Variants in TRDMT1 observed in about 807,000 individuals in gnomAD.
TRDMT1 encodes the protein tRNA (cytosine(38)-C(5))-methyltransferase.
Under a neutral mutation model 51.2 loss-of-function variants are expected in TRDMT1, and 49 were observed. The ratio of observed to expected loss-of-function variants is 0.96; its 90% CI spans 0.76 to 1.21. The LOEUF is 1.21. Ranked by LOEUF, TRDMT1 falls within the 50% of genes most tolerant of loss-of-function variation. The probability of loss-of-function intolerance (pLI) is 0.00; values close to 1 mark genes in which losing one functional copy is unlikely to be tolerated. For synonymous variants in TRDMT1, 187 were observed against 164.6 expected, an observed-to-expected ratio of 1.14 and a Z score of -1.04; for missense variants, 534 against 462.3, an observed-to-expected ratio of 1.16 and a Z score of -1.42.
At chr10:17,197,340 G>GT (rs1186618287) in intron 1 of TRDMT1, among the ~76,000 whole-genome samples, 2 of 152,032 alleles carry the variant, frequency 1.3e-5, no homozygotes, top group Non-Finnish European at 2.9e-5. Flanking sequence ...AGCAAAGAAT[G>GT]TTACATTTAA....
intron 1 of TRDMT1, among the ~76,000 whole-genome samples, chr10:17,193,747 C>T (rs986329824): frequency 2.0e-5 from 3 of 151,688 alleles, no homozygotes; most frequent in Admixed American, 6.6e-5. Flanking sequence ...AAGCAATCTA[C>T]AGATTCAGTG....
chr10:17,196,500 C>G lies in TRDMT1; in HGVS notation c.64+5071G>C, dbSNP rs575988639. 7.2e-5 allele frequency among the ~76,000 whole-genome samples: 11 copies of G among 152,370 alleles called. No homozygotes were observed. In the South Asian group the frequency reaches 2.1e-3, roughly 29 times the overall value. The stretch of plus-strand genomic sequence containing the variant: ...CTCCACTGATATATAACCTGTGACA[C>G]TACTTCTTCCACTGCTTTCTGAAAG... On this transcript the variant is annotated intron_variant, in intron 1 of 10. Coordinates refer to ENST00000377799, the MANE Select transcript of TRDMT1 (RefSeq NM_004412.7).
intron 10 of TRDMT1, among the ~76,000 whole-genome samples, 175 bp from the exon 11 acceptor site, chr10:17,149,315 A>G (rs1004893295): frequency 6.6e-6 from 1 of 152,128 alleles, no homozygotes; most frequent in Non-Finnish European, 1.5e-5. Flanking sequence ...ATAACATTAT[A>G]TTGCCTACAC....
Position 17,146,298 on chromosome 10 carries a change from T to A in TRDMT1, c.*2742A>T, listed in dbSNP as rs1588687147. ...GCTGAAGGTTGGAGGTATTTTCTCA[T>A]CTTTCCAGACATAGGGCAGTGCCCA... On this transcript the variant is annotated 3_prime_UTR_variant, in exon 11 of 11. Coordinates refer to ENST00000377799, the MANE Select transcript of TRDMT1 (RefSeq NM_004412.7). 1 of 985,424 alleles carries A rather than the reference T, an allele frequency of 1.0e-6. No homozygotes were observed. Among genetic ancestry groups the A allele is most frequent in the Non-Finnish European group, 1.2e-6 (1 of 829,936 alleles). The allele number at this position is 985,424 out of a possible 1,614,324, so 61.0% of individuals were successfully genotyped here.
In TRDMT1 at chr10:17,154,874, T is replaced by C. The variant is rs376454253; in HGVS notation, c.888-140A>G. The C allele has an allele frequency of 1.3e-4, 92 of 697,778 alleles. 1 individual carries two copies. In the Middle Eastern group the frequency reaches 3.1e-3, roughly 23 times the overall value. The allele number at this position is 697,778 out of a possible 1,614,324, so 43.2% of individuals were successfully genotyped here. A position where few individuals can be genotyped will look rare whatever the true frequency, so the allele number is the denominator to read the frequency against. ...CTTGAATAATGTCACATAAATATCC[T>C]TTGTAGGTAAAAAATTACTAGGTAA... On this transcript the variant is annotated intron_variant, in intron 8 of 10. Coordinates refer to ENST00000377799, the MANE Select transcript of TRDMT1 (RefSeq NM_004412.7).
intron 1 of TRDMT1, among the ~76,000 whole-genome samples, chr10:17,190,782 C>T (rs1327774728): frequency 2.0e-5 from 3 of 152,170 alleles, no homozygotes; most frequent in South Asian, 4.1e-4. Flanking sequence ...TGTTCATTCA[C>T]GCATTCAACA....
chr10:17,144,773 G>C lies in TRDMT1; in HGVS notation c.*4267C>G. 1.0e-6 allele frequency: 1 copy of C among 985,180 alleles called. No individual in the cohort carries two copies. The highest frequency in any genetic ancestry group is 1.2e-6 in the Non-Finnish European group (1 of 829,882). The allele number at this position is 985,180 out of a possible 1,614,324, so 61.0% of individuals were successfully genotyped here. A position where few individuals can be genotyped will look rare whatever the true frequency, so the allele number is the denominator to read the frequency against. On this transcript the variant is annotated 3_prime_UTR_variant, in exon 11 of 11. Transcript: ENST00000377799. ...AATGTTCCTAGACAGCCTAAAGAGA[G>C]AAACGGAAGCTAGAAACAACAACAA...
Position 17,147,501 on chromosome 10 carries a change from C to T in TRDMT1, c.*1539G>A. The T allele has an allele frequency of 3.3e-6, 1 of 306,300 alleles. No homozygotes were observed. 19.0% of individuals were successfully genotyped at this position (306,300 alleles called of 1,614,324 possible). ...GTGCAACCATCCTCCCCATCCACCT[C>T]CAGAACTTTCTCATCACCCCAATCA... is the stretch of plus-strand genomic sequence containing the variant. On this transcript the variant is annotated 3_prime_UTR_variant, in exon 11 of 11. Transcript: ENST00000377799.
Position 17,146,050 on chromosome 10 carries a change from C to A in TRDMT1, c.*2990G>T, listed in dbSNP as rs1274900164. On this transcript the variant is annotated 3_prime_UTR_variant, in exon 11 of 11. Coordinates refer to ENST00000377799, the MANE Select transcript of TRDMT1 (RefSeq NM_004412.7). ...TTGAATTGCCTGCACTCATCTCTAA[C>A]CCCATCCAATTTTACATCCCACATG... The A allele has an allele frequency of 1.0e-6, 1 of 985,400 alleles. No homozygotes were observed. The highest frequency in any genetic ancestry group is 1.2e-6 in the Non-Finnish European group (1 of 829,934). The allele number at this position is 985,400 out of a possible 1,614,324, so 61.0% of individuals were successfully genotyped here.
In TRDMT1 at chr10:17,157,506, C is replaced by T; in HGVS notation, c.822G>A (p.Leu274=). The T allele has an allele frequency of 1.2e-6, 2 of 1,614,012 alleles. No homozygotes were observed. Among genetic ancestry groups the T allele is most frequent in the South Asian group, 1.1e-5 (1 of 91,084 alleles). Residue 274 remains leucine, a synonymous_variant, in exon 8 of 11, where the codon CTG becomes CTA. Transcript: ENST00000377799. The stretch of plus-strand genomic sequence containing the variant: ...CAATGTCTAACAGAAGAGCATATCG[C>T]AGCAATGACTTTGGTGGTAAAAGAT... ...NQYLLPPKSL[L]RYALLLDIVQ...
intron 9 of TRDMT1, 112 bp from the exon 10 acceptor site, chr10:17,153,748 T>A: frequency 8.7e-7 from 1 of 1,145,112 alleles, no homozygotes. Flanking sequence ...TAACACACAG[T>A]GGCAAAGTGC....
rs762577958 is a variant in TRDMT1, at chr10:17,157,703, T to A, written c.625A>T (p.Asn209Tyr). ...MDVENKIQEK[N>Y]VEPNISFDGS... ...TCAAAGCTAATATTTGGTTCAACGT[T>A]CTTTTCTTGAATTTTATTTTCTACA... The change falls in exon 8 of 11, where the codon AAC (asparagine) becomes TAC (tyrosine). Residue 209 changes from asparagine (N) to tyrosine (Y), a missense_variant. By Grantham distance (143) the Asn-to-Tyr change is moderately radical. Transcript: ENST00000377799. 4 of 1,612,380 alleles carry A rather than the reference T, an allele frequency of 2.5e-6. No homozygotes were observed. The highest frequency in any genetic ancestry group is 1.7e-5 in the Admixed American group (1 of 59,864).
chr10:17,190,614 T>C (rs1262527639), intron 1 of TRDMT1, among the ~76,000 whole-genome samples: 5 of 152,126 alleles, frequency 3.3e-5, no homozygotes, highest in Admixed American at 2.0e-4. Context: ...TACAGAAAAA[T>C]ATTTGTTATC....
chr10:17,152,536 GCATT>G (rs957696181), intron 10 of TRDMT1, among the ~76,000 whole-genome samples: 1 of 152,170 alleles, frequency 6.6e-6, no homozygotes, highest in African/African-American at 2.4e-5. Flanking sequence ...TGACTTTTCT[GCATT>G]CAAACTCTCA....
intron 1 of TRDMT1, among the ~76,000 whole-genome samples, chr10:17,180,673 C>A (rs1264527993): frequency 6.6e-6 from 1 of 151,912 alleles, no homozygotes; most frequent in Non-Finnish European, 1.5e-5. Context: ...AGGAGAGAAA[C>A]TAGTATTTCC....
intron 1 of TRDMT1, among the ~76,000 whole-genome samples, chr10:17,187,526 G>A (rs1844100959): frequency 6.6e-6 from 1 of 152,096 alleles, no homozygotes. Context: ...ATACAATGGT[G>A]CTTTTAGATC....
chr10:17,144,676 A>T lies in TRDMT1; in HGVS notation c.*4364T>A. ...TATATTTAAAAAGAAATAAATTCACAAGCTAAGACATGAATGGTGATGGAG... is the reference window on the plus strand; with the variant it reads ...TATATTTAAAAAGAAATAAATTCACTAGCTAAGACATGAATGGTGATGGAG... On this transcript the variant is annotated 3_prime_UTR_variant, in exon 11 of 11. Transcript: ENST00000377799. The T allele has an allele frequency of 1.0e-6, 1 of 985,424 alleles. No homozygotes were observed. Among genetic ancestry groups the T allele is most frequent in the Non-Finnish European group, 1.2e-6 (1 of 829,918 alleles). The allele number at this position is 985,424 out of a possible 1,614,324, so 61.0% of individuals were successfully genotyped here.
chr10:17,162,255 A>C lies in TRDMT1; in HGVS notation c.252-18T>G, dbSNP rs1050165647. ...GGCCAATCCTAAAGGGGTAAAAAAA[A>C]AAAAAAACAAAAAAAAACACAGAAA... On this transcript the variant is annotated intron_variant, in intron 3 of 10. Transcript: ENST00000377799. 7.9e-5 allele frequency: 121 copies of C among 1,535,096 alleles called. No individual in the cohort carries two copies. Among genetic ancestry groups the C allele is most frequent in the South Asian group, 2.2e-4 (18 of 82,446 alleles).
intron 1 of TRDMT1, among the ~76,000 whole-genome samples, chr10:17,201,119 A>ATCCCT (rs1271182386): frequency 6.6e-6 from 1 of 151,702 alleles, no homozygotes; most frequent in African/African-American, 2.4e-5. Flanking sequence ...TGTAGCTATT[A>ATCCCT]TCCCTTCCAA....
Sources: gnomAD v4.1 joint callset for allele counts (sites outside exome capture counted in the v4.1 genomes callset) on GRCh38, gnomAD v4.1.1 for gene constraint, MANE v1.5 for transcripts, NCBI Gene and HGNC (gene_info 2026-07-23, HGNC 2026-07-21) for gene names.